Variants in CDK5RAP2 observed in about 807,000 individuals in gnomAD.
CDK5RAP2 encodes the protein CDK5 regulatory subunit-associated protein 2.
CDK5RAP2 carries 147 observed loss-of-function variants against 232.9 expected under a neutral mutation model. The observed-to-expected ratio is 0.63, with a 90% CI of 0.55 to 0.72. CDK5RAP2 has a LOEUF of 0.72. CDK5RAP2 is among the 30% of genes least tolerant of loss of function. The pLI is 0.00. For synonymous variants in CDK5RAP2, 833 were observed against 833.7 expected (o/e 1.00, Z 0.01); for missense variants, 2,195 against 2,231.5 (o/e 0.98, Z 0.33).
chr9:120,504,617 C>A (rs1192276228), intron 12 of CDK5RAP2, among the ~76,000 whole-genome samples: 5 of 152,168 alleles, frequency 3.3e-5, no homozygotes, highest in Non-Finnish European at 5.9e-5. Context: ...CACATGTAGA[C>A]CTCTGATCAT....
At chr9:120,496,336 G>T (rs2039233345) in intron 12 of CDK5RAP2, among the ~76,000 whole-genome samples, 5 of 144,638 alleles carry the variant, frequency 3.5e-5, no homozygotes, top group African/African-American at 7.6e-5. Flanking sequence ...GAGGTGGGGG[G>T]GTCAGCCCCC....
At chr9:120,459,907 T>C (rs1380588588) in intron 19 of CDK5RAP2, among the ~76,000 whole-genome samples, 4 of 152,208 alleles carry the variant, frequency 2.6e-5, no homozygotes, top group Non-Finnish European at 4.4e-5. Flanking sequence ...TCCCAGTCTC[T>C]AGGGTTCTTT....
chr9:120,533,603 G>A (rs1268098672), intron 7 of CDK5RAP2, among the ~76,000 whole-genome samples: 1 of 151,690 alleles, frequency 6.6e-6, no homozygotes, highest in Non-Finnish European at 1.5e-5. Context: ...AGACCAGCCT[G>A]GCCAACATGG....
chr9:120,513,156 T>G (rs908161628), intron 12 of CDK5RAP2, among the ~76,000 whole-genome samples: 14 of 152,250 alleles, frequency 9.2e-5, no homozygotes, highest in African/African-American at 3.1e-4. Flanking sequence ...AGCATCCCCA[T>G]TACAGAGAAA....
chr9:120,560,017 C>A (rs556772179), intron 3 of CDK5RAP2, among the ~76,000 whole-genome samples: 1 of 152,188 alleles, frequency 6.6e-6, no homozygotes, highest in Non-Finnish European at 1.5e-5. Context: ...GCAAAGTACA[C>A]CTAACTCTGG....
chr9:120,571,925 T>C, intron 2 of CDK5RAP2, 49 bp downstream of exon 2: 1 of 1,442,016 alleles, frequency 6.9e-7, no homozygotes. Flanking sequence ...GTCCAATGTC[T>C]ACTTTCCTTG....
chr9:120,411,543 A>C, intron 28 of CDK5RAP2, 69 bp from the exon 29 acceptor site: 1 of 858,824 alleles, frequency 1.2e-6, no homozygotes. Flanking sequence ...ACTTTCTAGA[A>C]AGCAGTTTTA....
chr9:120,555,265 G>A (rs1418662804), intron 3 of CDK5RAP2, among the ~76,000 whole-genome samples: 2 of 152,086 alleles, frequency 1.3e-5, no homozygotes, highest in Admixed American at 6.6e-5. Context: ...CTGAGCAGCT[G>A]GGATTACAGG....
intron 25 of CDK5RAP2, among the ~76,000 whole-genome samples, chr9:120,429,024 A>T (rs2035107397): frequency 6.6e-6 from 1 of 152,222 alleles, no homozygotes; most frequent in Admixed American, 6.5e-5. Flanking sequence ...TTATCTCAAT[A>T]GATGCAGAAA....
chr9:120,425,741 T>C (rs1320657664), intron 25 of CDK5RAP2, among the ~76,000 whole-genome samples: 1 of 152,236 alleles, frequency 6.6e-6, no homozygotes, highest in Non-Finnish European at 1.5e-5. Flanking sequence ...CCCAGATGTT[T>C]CTTCCTTTCC....
intron 7 of CDK5RAP2, among the ~76,000 whole-genome samples, chr9:120,534,412 C>G (rs187587140): frequency 3.9e-5 from 6 of 152,226 alleles, no homozygotes; most frequent in Admixed American, 3.9e-4. Context: ...ATATGTTAAC[C>G]CAGCATTGAT....
At chr9:120,528,317 A>AT (rs11454531) in intron 9 of CDK5RAP2, among the ~76,000 whole-genome samples, 148,276 of 152,304 alleles carry the variant, frequency 0.97, 72,272 homozygotes, top group East Asian at 1. Flanking sequence ...GTCTGAGTTC[A>AT]TTCTAAAGAT....
chr9:120,549,876 A>C (rs2041987631), intron 4 of CDK5RAP2, among the ~76,000 whole-genome samples: 1 of 152,246 alleles, frequency 6.6e-6, no homozygotes, highest in South Asian at 2.1e-4. Flanking sequence ...CATAAGGGAC[A>C]AAGAAGCTTT....
chr9:120,409,401 C>A, intron 29 of CDK5RAP2, 85 bp from the exon 30 acceptor site: 1 of 970,584 alleles, frequency 1.0e-6, no homozygotes, highest in Non-Finnish European at 1.6e-6. Flanking sequence ...TTCAAGAATA[C>A]AAAAAAGAAT....
rs1240227171 is a variant in CDK5RAP2, at chr9:120,403,192, A to T, written c.5042-121T>A. 2 of 966,136 alleles carry T rather than the reference A, an allele frequency of 2.1e-6. No homozygotes were observed. Among genetic ancestry groups the T allele is most frequent in the African/African-American group, 3.2e-5 (2 of 62,074 alleles). 59.8% of individuals were successfully genotyped at this position (966,136 alleles called of 1,614,324 possible). A position where few individuals can be genotyped will look rare whatever the true frequency, so the allele number is the denominator to read the frequency against. On this transcript the variant is annotated intron_variant, in intron 33 of 37. Coordinates refer to ENST00000349780, the MANE Select transcript of CDK5RAP2 (RefSeq NM_018249.6). This position sits in a 1 kb window ranked among gnomAD's most constrained non-coding sequence, Gnocchi z 4.2. ...GGCCCTCGTGCCCAAATGCCACCCA[A>T]CACAAGCCCAGAGGGGAAAAGAGGC...
chr9:120,565,361 T>C (rs1205178672), intron 3 of CDK5RAP2, among the ~76,000 whole-genome samples: 1 of 152,160 alleles, frequency 6.6e-6, no homozygotes, highest in Non-Finnish European at 1.5e-5. Context: ...ACTCATCACC[T>C]TACCACCAGC....
At chr9:120,472,151 T>C (rs762193457) in intron 15 of CDK5RAP2, among the ~76,000 whole-genome samples, 10 of 152,234 alleles carry the variant, frequency 6.6e-5, no homozygotes, top group Admixed American at 2.0e-4. Flanking sequence ...ATACTAGACA[T>C]ACAATGCTGA....
At position 120,530,031 on chromosome 9, in the gene CDK5RAP2, C is replaced by T; in HGVS notation, c.772G>A (p.Glu258Lys). The T allele has an allele frequency of 6.2e-7, 1 of 1,614,062 alleles. No homozygotes were observed. Among genetic ancestry groups the T allele is most frequent in the Non-Finnish European group, 8.5e-7 (1 of 1,179,934 alleles). Residue 258 changes from glutamate (E) to lysine (K), a missense_variant, in exon 8 of 38, where the codon GAG (glutamate) becomes AAG (lysine). Physicochemically the swap from Glu to Lys is moderately conservative, Grantham distance 56. Coordinates refer to ENST00000349780, the MANE Select transcript of CDK5RAP2 (RefSeq NM_018249.6). ...GGAGCAGCACAAAGTCCTCGGAGCT[C>T]TCCAGATGACACATTCTCATCAGGA... The part of the protein sequence containing the change: ...ACPDENVSSG[E>K]LRGLCAAPRE...
intron 25 of CDK5RAP2, among the ~76,000 whole-genome samples, chr9:120,423,158 A>G (rs570445409): frequency 4.5e-4 from 68 of 152,314 alleles, no homozygotes; most frequent in African/African-American, 1.5e-3. Context: ...GGAAGATACC[A>G]TATTACAACA....
Sources: allele counts gnomAD v4.1 joint callset (sites outside exome capture counted in the v4.1 genomes callset), GRCh38; gene constraint gnomAD v4.1.1; non-coding constraint Gnocchi (gnomAD v3.1); transcripts MANE v1.5; gene names NCBI Gene and HGNC (gene_info 2026-07-23, HGNC 2026-07-21).